Variants in GATA3 observed in about 807,000 individuals in gnomAD.
The protein encoded by GATA3 is GATA binding protein 3, also known as trans-acting T-cell-specific transcription factor GATA-3.
GATA3 carries 6 observed loss-of-function variants against 36.0 expected under a neutral mutation model. That is an observed-to-expected ratio of 0.17 (90% CI 0.09 to 0.33). GATA3 has a LOEUF of 0.33. Ranked by LOEUF, GATA3 falls within the 10% of genes least tolerant of loss-of-function variation. The pLI is 1.00. For missense variants in GATA3, 514 were observed against 610.1 expected, an observed-to-expected ratio of 0.84 and a Z score of 1.66; for synonymous variants, 326 against 273.0, an observed-to-expected ratio of 1.19 and a Z score of -1.92.
At chr10:8,050,199 G>A (rs921432371), upstream of GATA3, among the ~76,000 whole-genome samples, 4 of 152,250 alleles carry the variant, frequency 2.6e-5, no homozygotes, top group African/African-American at 4.8e-5. Context: ...GTACTGCGGC[G>A]GGCGCAGGGA....
In GATA3 at chr10:8,055,404, C is replaced by A. The variant is rs917560892; in HGVS notation, c.-252C>A. On this transcript the variant is annotated 5_prime_UTR_variant, in exon 2 of 6. Coordinates refer to ENST00000379328, the MANE Select transcript of GATA3 (RefSeq NM_001002295.2). This position sits in a 1 kb window ranked among gnomAD's most constrained non-coding sequence, Gnocchi z 5.4. ...ACAACCTGGTCCCGTTTTATTCTGC[C>A]GTACCCAGTTTTTGGATTTTTGTCT... The A allele has an allele frequency of 5.2e-6, 3 of 576,962 alleles. No individual in the cohort carries two copies. The highest frequency in any genetic ancestry group is 9.3e-6 in the Non-Finnish European group (3 of 323,646). The allele number at this position is 576,962 out of a possible 1,614,324, so 35.7% of individuals were successfully genotyped here.
chr10:8,047,702 G>A (rs1006457806), intron 1 of GATA3, among the ~76,000 whole-genome samples: 1 of 152,206 alleles, frequency 6.6e-6, no homozygotes, highest in Admixed American at 6.5e-5. Context: ...GTCTGCTGGC[G>A]TTAGTGAAGA....
upstream of GATA3, chr10:8,053,414 T>A (rs11255502): frequency 0.02 from 2,980 of 152,298 alleles, 38 homozygotes; most frequent in Non-Finnish European, 0.03. This position sits in a 1 kb window ranked among gnomAD's most constrained non-coding sequence, Gnocchi z 5.1. Context: ...TGACCCCTGC[T>A]CGCCCGAGCA....
At chr10:8,065,746 C>G (rs1588385520) in intron 4 of GATA3, among the ~76,000 whole-genome samples, 2 of 110,272 alleles carry the variant, frequency 1.8e-5, no homozygotes, top group South Asian at 6.3e-4. Flanking sequence ...ATGTGCAAAG[C>G]TGACTTCCTA....
intron 4 of GATA3, among the ~76,000 whole-genome samples, chr10:8,067,885 A>G (rs1257176508): frequency 1.3e-5 from 2 of 152,180 alleles, no homozygotes; most frequent in Non-Finnish European, 2.9e-5. Context: ...CAGGATCCCT[A>G]TAGTTCTTGT....
upstream of GATA3, among the ~76,000 whole-genome samples, chr10:8,049,815 C>G (rs1832440332): frequency 1.3e-5 from 2 of 152,264 alleles, no homozygotes; most frequent in East Asian, 1.9e-4. Context: ...GCCCCTCCTC[C>G]CACCATAGGG....
Position 8,048,136 on chromosome 10 carries a change from A to G in GATA3, c.-370+2621A>G, listed in dbSNP as rs748393698. Among the ~76,000 whole-genome samples the G allele has an allele frequency of 3.7e-4, 57 of 152,170 alleles. 1 individual carries two copies. Among genetic ancestry groups the G allele is most frequent in the Non-Finnish European group, 6.8e-4 (46 of 68,032 alleles). ...TCAAAACACAATAGTCCCCAGATAA[A>G]GCCCTCCTTCTCCTCCTAAAAGGCC... On this transcript the variant is annotated intron_variant, in intron 1 of 1. Coordinates refer to the GATA3 transcript ENST00000643001.
At position 8,055,882 on chromosome 10, in the gene GATA3, C is replaced by T. The variant is rs1315804209; in HGVS notation, c.227C>T (p.Pro76Leu). 2 of 1,562,130 alleles carry T rather than the reference C, an allele frequency of 1.3e-6. No homozygotes were observed. The highest frequency in any genetic ancestry group is 1.2e-5 in the South Asian group (1 of 84,882). The change falls in exon 2 of 6, where the codon CCT becomes CTT. Residue 76 changes from proline to leucine, a missense_variant. Around this residue, in one of 3 missense-constraint regions of GATA3, gnomAD observed 381 missense variants for 354.3 expected, o/e 1.08. Coordinates refer to ENST00000379328, the MANE Select transcript of GATA3 (RefSeq NM_001002295.2). This position sits in a 1 kb window ranked among gnomAD's most constrained non-coding sequence, Gnocchi z 5.4. ...NSVRATVQRY[P>L]PTHHGSQVCR... ...GTCAGGGCCACGGTGCAGAGGTACC[C>T]TCCGACCCACCACGGTGAGTGCGCC...
At position 8,058,561 on chromosome 10, in the gene GATA3, G is replaced by T. The variant is rs751408695; in HGVS notation, c.498G>T (p.Ser166=). Residue 166 remains serine (S), a synonymous_variant, in exon 3 of 6, where the codon TCG becomes TCT. Transcript: ENST00000379328. ...TPPKDVSPDP[S]LSTPGSAGSA... is the part of the protein sequence containing the mutation. Reference sequence around the variant, plus strand: ...CGAAGGACGTCTCCCCGGACCCATCGCTGTCCACCCCAGGCTCGGCCGGCT... The same window carrying T: ...CGAAGGACGTCTCCCCGGACCCATCTCTGTCCACCCCAGGCTCGGCCGGCT... 2.4e-5 allele frequency: 39 copies of T among 1,611,994 alleles called. No individual in the cohort carries two copies. The highest frequency in any genetic ancestry group is 3.2e-5 in the Non-Finnish European group (38 of 1,179,874).
chr10:8,046,186 A>G (rs938167110), intron 1 of GATA3, among the ~76,000 whole-genome samples: 20 of 152,220 alleles, frequency 1.3e-4, no homozygotes, highest in African/African-American at 4.3e-4. Context: ...CTCCCGGGAC[A>G]GCAGACCAAC....
At position 8,073,944 on chromosome 10, in the gene GATA3, C is replaced by T. The variant is rs769298101; in HGVS notation, c.1256C>T (p.Thr419Met). 22 of 1,614,030 alleles carry T rather than the reference C, an allele frequency of 1.4e-5. No individual in the cohort carries two copies. The Admixed American group carries it at 2.5e-4, about 18-fold the overall frequency. The change falls in exon 6 of 6, where the codon ACG becomes ATG. Residue 419 changes from threonine to methionine, a missense_variant. By Grantham distance (81) the Thr-to-Met change is moderately conservative (BLOSUM62 -1). This residue lies in a region of GATA3 where 89 missense variants were observed against 104.2 expected (regional missense o/e 0.85). Coordinates refer to ENST00000379328, the MANE Select transcript of GATA3 (RefSeq NM_001002295.2). ...PFSHSSHMLT[T>M]PTPMHPPSSL... Reference sequence around the variant, plus strand: ...AGCCACTCCAGCCACATGCTGACCACGCCCACGCCGATGCACCCGCCATCC... The same window carrying T: ...AGCCACTCCAGCCACATGCTGACCATGCCCACGCCGATGCACCCGCCATCC...
intron 3 of GATA3, among the ~76,000 whole-genome samples, chr10:8,060,010 C>T (rs944315536): frequency 1.3e-5 from 2 of 152,140 alleles, no homozygotes; most frequent in African/African-American, 4.8e-5. Context: ...ATGAGATGAG[C>T]AGCCTTGAAA....
At position 8,075,110 on chromosome 10, in the gene GATA3, G is replaced by A. The variant is rs528580541; in HGVS notation, c.*1087G>A. The A allele has an allele frequency of 2.6e-5, 6 of 232,870 alleles. No individual in the cohort carries two copies. The highest frequency in any genetic ancestry group is 1.8e-4 in the South Asian group (1 of 5,528). The allele number at this position is 232,870 out of a possible 1,614,324, so 14.4% of individuals were successfully genotyped here. A position where few individuals can be genotyped will look rare whatever the true frequency, so the allele number is the denominator to read the frequency against. On this transcript the variant is annotated 3_prime_UTR_variant, in exon 6 of 6. Transcript: ENST00000379328. ...GGCCCGGCTGCCTCTTCGCCCTGTC[G>A]TGTTCTGTGTTAGTGATCACTGCCT...
At chr10:8,053,422 G>T (rs950209293), upstream of GATA3, 1 of 152,252 alleles carries the variant, frequency 6.6e-6, no homozygotes, top group African/African-American at 2.4e-5. The surrounding 1 kb of genome is among the most constrained non-coding windows in gnomAD (Gnocchi z 5.1). Context: ...GCTCGCCCGA[G>T]CAGCATTTTC....
rs28395794 is a variant in GATA3, at chr10:8,055,587, G to A, written c.-69G>A. 2,344 of 1,523,606 alleles carry A rather than the reference G, an allele frequency of 1.5e-3. 70 individuals carry two copies. The East Asian group carries it at 0.048, about 31-fold the overall frequency. 94.4% of individuals were successfully genotyped at this position (1,523,606 alleles called of 1,614,324 possible). On this transcript the variant is annotated 5_prime_UTR_variant, in exon 2 of 6. Transcript: ENST00000379328. This position sits in a 1 kb window ranked among gnomAD's most constrained non-coding sequence, Gnocchi z 5.4. Reference sequence around the variant, plus strand: ...ACGGCAGGAGCCCCCCGACCTCCCAGGCGGACCGCCCTCCCTCCCCGCGCG... The same window carrying A: ...ACGGCAGGAGCCCCCCGACCTCCCAAGCGGACCGCCCTCCCTCCCCGCGCG...
At position 8,055,688 on chromosome 10, in the gene GATA3, G is replaced by A. The variant is rs763934992; in HGVS notation, c.33G>A (p.Val11=). 8 of 1,559,590 alleles carry A rather than the reference G, an allele frequency of 5.1e-6. No homozygotes were observed. Among genetic ancestry groups the A allele is most frequent in the Non-Finnish European group, 6.9e-6 (8 of 1,152,208 alleles). MEVTADQPRW[V]SHHHPAVLNG... Reference sequence around the variant, plus strand: ...TGACGGCGGACCAGCCGCGCTGGGTGAGCCACCACCACCCCGCCGTGCTCA... The same window carrying A: ...TGACGGCGGACCAGCCGCGCTGGGTAAGCCACCACCACCCCGCCGTGCTCA... Residue 11 remains valine, a synonymous_variant, in exon 2 of 6, where the codon GTG becomes GTA. Transcript: ENST00000379328. This position sits in a 1 kb window ranked among gnomAD's most constrained non-coding sequence, Gnocchi z 5.4.
chr10:8,055,904 C>T lies in GATA3; in HGVS notation c.241+8C>T, dbSNP rs376505863. The T allele has an allele frequency of 2.1e-5, 32 of 1,553,936 alleles. 1 individual carries two copies. The African/African-American group carries it at 3.4e-4, about 17-fold the overall frequency. On this transcript the variant is annotated splice_region_variant and intron_variant, in intron 2 of 5. Coordinates refer to ENST00000379328, the MANE Select transcript of GATA3 (RefSeq NM_001002295.2). This position sits in a 1 kb window ranked among gnomAD's most constrained non-coding sequence, Gnocchi z 5.4. ...ACCCTCCGACCCACCACGGTGAGTGCGCCCGGGGTGCCGGGGCTCCCGCCG... is the reference window on the plus strand; with the variant it reads ...ACCCTCCGACCCACCACGGTGAGTGTGCCCGGGGTGCCGGGGCTCCCGCCG...
At chr10:8,065,980 A>AAAG (rs1832834834) in intron 4 of GATA3, among the ~76,000 whole-genome samples, 1 of 104,242 alleles carries the variant, frequency 9.6e-6, no homozygotes, top group South Asian at 3.4e-4. Flanking sequence ...AAAAAAAAAA[A>AAAG]AGAGAGAGAG....
chr10:8,046,839 G>C (rs535208921), intron 1 of GATA3, among the ~76,000 whole-genome samples: 1 of 152,016 alleles, frequency 6.6e-6, no homozygotes, highest in Non-Finnish European at 1.5e-5. Context: ...GGAGTCTTTC[G>C]GTGGGATCAA....
Sources: gnomAD v4.1 joint callset for allele counts (sites outside exome capture counted in the v4.1 genomes callset) on GRCh38, gnomAD v4.1.1 for gene constraint, gnomAD v4.1.1 regional missense constraint, Gnocchi (gnomAD v3.1) non-coding constraint, MANE v1.5 for transcripts, NCBI Gene and HGNC (gene_info 2026-07-23, HGNC 2026-07-21) for gene names.